The following PCSK6 variants were observed in gnomAD, a reference collection of about 807,000 sequenced individuals.
PCSK6 encodes paired basic amino acid cleaving enzyme 4.
A neutral mutation model predicts 123.3 loss-of-function variants in PCSK6; 85 were observed. The ratio of observed to expected loss-of-function variants is 0.69; its 90% CI spans 0.58 to 0.83. The LOEUF (loss-of-function observed/expected upper bound fraction) is 0.83. Ranked by LOEUF, PCSK6 falls within the 40% of genes least tolerant of loss-of-function variation. The pLI, the probability that PCSK6 is intolerant of heterozygous loss-of-function variation, is 0.00. For synonymous variants in PCSK6, 508 were observed against 516.0 expected, an observed-to-expected ratio of 0.98 and a Z score of 0.21; for missense variants, 1,191 against 1,282.3, an observed-to-expected ratio of 0.93 and a Z score of 1.09.
At position 101,304,972 on chromosome 15, in the gene PCSK6, T is replaced by C. The variant is rs1035939700; in HGVS notation, c.*286A>G. 2.2e-5 allele frequency: 9 copies of C among 403,816 alleles called. No individual in the cohort carries two copies. The highest frequency in any genetic ancestry group is 1.8e-4 in the African/African-American group (9 of 49,682). The allele number at this position is 403,816 out of a possible 1,614,324, so 25.0% of individuals were successfully genotyped here. On this transcript the variant is annotated 3_prime_UTR_variant, in exon 22 of 22. Coordinates refer to ENST00000611716, the MANE Select transcript of PCSK6 (RefSeq NM_002570.5). ...TCAGTAAACTTATGGTCCCAGAAGCTGCTCCAAAGCCAGAGCTGTGGATTC... is the reference window on the plus strand; with the variant it reads ...TCAGTAAACTTATGGTCCCAGAAGCCGCTCCAAAGCCAGAGCTGTGGATTC...
At chr15:101,351,148 G>T (rs772540840) in intron 13 of PCSK6, among the ~76,000 whole-genome samples, 5 of 152,096 alleles carry the variant, frequency 3.3e-5, no homozygotes, top group Non-Finnish European at 7.3e-5. Flanking sequence ...CTTCAGTGAC[G>T]TCACGTGAAA....
rs765876680 is a variant in PCSK6 at position 101,384,316 on chromosome 15, C to G, written c.1414+6G>C. On this transcript the variant is annotated splice_donor_region_variant and intron_variant, in intron 10 of 21. Coordinates refer to ENST00000611716, the MANE Select transcript of PCSK6 (RefSeq NM_002570.5). Reference sequence around the variant, plus strand: ...CCAATGGTCCACCAGAACGCCACTGCCGCACCTTTATGACCCGCGCCGTTC... The same window carrying G: ...CCAATGGTCCACCAGAACGCCACTGGCGCACCTTTATGACCCGCGCCGTTC... 6.2e-7 allele frequency: 1 copy of G among 1,613,384 alleles called. No individual in the cohort carries two copies. Among genetic ancestry groups the G allele is most frequent in the Non-Finnish European group, 8.5e-7 (1 of 1,179,500 alleles).
At chr15:101,372,153 CCA>C (rs1596249375) in intron 11 of PCSK6, among the ~76,000 whole-genome samples, 2 of 152,318 alleles carry the variant, frequency 1.3e-5, no homozygotes, top group East Asian at 1.9e-4. Flanking sequence ...CCGACCCACC[CCA>C]GTGATCTGCA....
At chr15:101,382,594 C>T (rs1464044524) in intron 10 of PCSK6, among the ~76,000 whole-genome samples, 2 of 152,138 alleles carry the variant, frequency 1.3e-5, no homozygotes, top group African/African-American at 4.8e-5. Flanking sequence ...AATCTGAGAC[C>T]TCTCAGTTCA....
chr15:101,473,705 C>A (rs970198574), intron 1 of PCSK6, among the ~76,000 whole-genome samples: 1 of 152,114 alleles, frequency 6.6e-6, no homozygotes, highest in Admixed American at 6.5e-5. Flanking sequence ...TGGTGAAACC[C>A]CATCTCTATT....
intron 13 of PCSK6, among the ~76,000 whole-genome samples, chr15:101,362,202 C>A (rs534514523): frequency 6.6e-6 from 1 of 152,080 alleles, no homozygotes; most frequent in Non-Finnish European, 1.5e-5. Context: ...GTGATTCACC[C>A]GCCTCGGCCT....
Position 101,321,678 on chromosome 15 carries a change from C to A in PCSK6, c.2465+842G>T, listed in dbSNP as rs1426280997. On this transcript the variant is annotated intron_variant, in intron 18 of 21. Transcript: ENST00000611716. Reference sequence around the variant, plus strand: ...GGGGCTGGGGGTGTGTTGCAGCCCTCCACCGCCTCACCCTGCAAAAGCAGC... The same window carrying A: ...GGGGCTGGGGGTGTGTTGCAGCCCTACACCGCCTCACCCTGCAAAAGCAGC... Among the ~76,000 whole-genome samples the A allele has an allele frequency of 2.0e-5, 3 of 152,252 alleles. No individual in the cohort carries two copies. The South Asian group carries it at 6.2e-4, about 31-fold the overall frequency.
At chr15:101,437,246 G>C (rs1401666667) in intron 2 of PCSK6, among the ~76,000 whole-genome samples, 2 of 152,190 alleles carry the variant, frequency 1.3e-5, no homozygotes, top group East Asian at 3.9e-4. Context: ...GGGCAAGAGG[G>C]CCATCGTGAC....
At chr15:101,313,009 A>T in intron 20 of PCSK6, 1 of 1,172,036 alleles carries the variant, frequency 8.5e-7, no homozygotes, top group Non-Finnish European at 1.1e-6. Context: ...TGTCTCCAAA[A>T]AAATTTTTTT....
intron 3 of PCSK6, 174 bp from the exon 4 acceptor site, chr15:101,431,637 C>G: frequency 1.3e-6 from 1 of 782,070 alleles, no homozygotes; most frequent in South Asian, 1.5e-5. Context: ...GAGAATCATG[C>G]AGACGGCTCC....
intron 16 of PCSK6, 63 bp downstream of exon 16, chr15:101,326,314 G>A: frequency 7.8e-7 from 1 of 1,287,810 alleles, no homozygotes; most frequent in South Asian, 1.3e-5. Flanking sequence ...GACATGGAGG[G>A]GCTAAGGATA....
intron 18 of PCSK6, among the ~76,000 whole-genome samples, chr15:101,321,083 C>T (rs1486592700): frequency 6.6e-6 from 1 of 152,206 alleles, no homozygotes; most frequent in Admixed American, 6.5e-5. Context: ...GCCTCCTCTT[C>T]CTGATGCCCC....
intron 13 of PCSK6, chr15:101,346,419 G>A (rs1413572036): frequency 6.4e-6 from 1 of 156,450 alleles, no homozygotes; most frequent in Non-Finnish European, 1.4e-5. Flanking sequence ...TGCTTGCTAT[G>A]CAAGTAACAA....
chr15:101,340,575 C>T (rs1459449562), intron 13 of PCSK6, among the ~76,000 whole-genome samples: 2 of 152,198 alleles, frequency 1.3e-5, no homozygotes, highest in Admixed American at 6.5e-5. Flanking sequence ...TTGGAGTCCC[C>T]CTGACTCCCC....
At chr15:101,310,852 C>T (rs1343191010) in intron 20 of PCSK6, among the ~76,000 whole-genome samples, 1 of 152,212 alleles carries the variant, frequency 6.6e-6, no homozygotes, top group Non-Finnish European at 1.5e-5. Flanking sequence ...CAGCCATGGG[C>T]ACCCCTCCCC....
intron 1 of PCSK6, among the ~76,000 whole-genome samples, chr15:101,478,604 C>T (rs2057791731): frequency 6.6e-6 from 1 of 152,148 alleles, no homozygotes; most frequent in South Asian, 2.1e-4. Context: ...GATGCTCGTT[C>T]TGAGCTTCAG....
intron 19 of PCSK6, among the ~76,000 whole-genome samples, chr15:101,317,652 C>T (rs983625703): frequency 6.6e-6 from 1 of 152,120 alleles, no homozygotes; most frequent in Non-Finnish European, 1.5e-5. Context: ...TGTTTCTGTC[C>T]GCGCCGTTCC....
chr15:101,338,371 C>T (rs568356400), intron 13 of PCSK6, among the ~76,000 whole-genome samples: 3 of 152,084 alleles, frequency 2.0e-5, no homozygotes, highest in Admixed American at 6.5e-5. Flanking sequence ...CGGCCCCCCA[C>T]AGCAGCAGCA....
rs746282462 is a variant in PCSK6 at position 101,432,056 on chromosome 15, T to A, written c.447A>T (p.Arg149Ser). 3 of 1,613,802 alleles carry A rather than the reference T, an allele frequency of 1.9e-6. No individual in the cohort carries two copies. The highest frequency in any genetic ancestry group is 2.5e-6 in the Non-Finnish European group (3 of 1,179,838). The change falls in exon 3 of 22, where the codon AGA becomes AGT. Residue 149 changes from arginine to serine, a missense_variant. By Grantham distance (110) the Arg-to-Ser change is moderately radical. Transcript: ENST00000611716. ...QQQEVKRRVK[R>S]QVRSDPQALY... ...GGGCCTGCGGGTCACTTCGCACCTG[T>A]CTCTTCACCCTTCGTTTCACTTCCT...
Sources: gnomAD v4.1 joint callset for allele counts (sites outside exome capture counted in the v4.1 genomes callset) on GRCh38, gnomAD v4.1.1 for gene constraint, MANE v1.5 for transcripts, NCBI Gene and HGNC (gene_info 2026-07-23, HGNC 2026-07-21) for gene names.